Variants in PALD1 observed in about 807,000 individuals in gnomAD.
PALD1 encodes phosphatase domain containing paladin 1.
In PALD1, 57 loss-of-function variants were observed where a neutral mutation model predicts 96.0. The observed-to-expected ratio is 0.59, with a 90% CI of 0.48 to 0.74. PALD1 has a LOEUF of 0.74. PALD1 is among the 30% of genes least tolerant of loss of function. The probability of loss-of-function intolerance (pLI) is 0.00; values close to 1 mark genes in which losing one functional copy is unlikely to be tolerated. For synonymous variants in PALD1, 464 were observed against 473.6 expected (o/e 0.98, Z 0.26); for missense variants, 1,063 against 1,143.7 (o/e 0.93, Z 1.02).
upstream of PALD1, among the ~76,000 whole-genome samples, chr10:70,475,336 G>A (rs780383726): frequency 6.6e-6 from 1 of 152,140 alleles, no homozygotes; most frequent in African/African-American, 2.4e-5. Flanking sequence ...GGGCAGACAG[G>A]GGATCCGTCT....
the PALD1 span, among the ~76,000 whole-genome samples, chr10:70,471,136 T>G: frequency 6.6e-6 from 1 of 152,192 alleles, no homozygotes; most frequent in Non-Finnish European, 1.5e-5. Flanking sequence ...TTTTTGTATT[T>G]TTAGTAGAGA....
the PALD1 span, among the ~76,000 whole-genome samples, chr10:70,470,068 G>A: frequency 1.3e-5 from 2 of 152,274 alleles, no homozygotes; most frequent in African/African-American, 4.8e-5. Context: ...TGCTGGGATT[G>A]CAGGCATGAA....
chr10:70,560,228 T>G (rs1186397514), intron 18 of PALD1, among the ~76,000 whole-genome samples: 2 of 152,036 alleles, frequency 1.3e-5, no homozygotes, highest in African/African-American at 4.8e-5. Context: ...GTCATAGGCC[T>G]GGAGGGAACC....
At chr10:70,503,655 C>G (rs1420829029) in intron 1 of PALD1, among the ~76,000 whole-genome samples, 1 of 152,130 alleles carries the variant, frequency 6.6e-6, no homozygotes, top group Non-Finnish European at 1.5e-5. Context: ...AAGAGAATGA[C>G]AAATAATAAA....
chr10:70,480,631 G>A (rs76499522), intron 1 of PALD1, among the ~76,000 whole-genome samples: 6,430 of 152,328 alleles, frequency 0.042, 196 homozygotes, highest in South Asian at 0.065. Context: ...TTTTTCTGGA[G>A]CACTTCGTGG....
chr10:70,560,758 A>G (rs776700473), intron 18 of PALD1, among the ~76,000 whole-genome samples: 6 of 151,908 alleles, frequency 3.9e-5, no homozygotes, highest in East Asian at 1.9e-4. Context: ...TGCCCGAAGT[A>G]CCCAGTGCCC....
chr10:70,507,750 C>CGTGCGT (rs1554855495), intron 1 of PALD1, among the ~76,000 whole-genome samples: 1 of 148,644 alleles, frequency 6.7e-6, no homozygotes, highest in Admixed American at 6.7e-5. Context: ...TTTGTGTGTG[C>CGTGCGT]GTGTGTGTGT....
At position 70,568,398 on chromosome 10, in the gene PALD1, AT is replaced by A. The variant is rs3034645; in HGVS notation, c.*1679del. The A allele has an allele frequency of 0.2, 28,904 of 144,550 alleles. 3,350 individuals carry two copies. Among genetic ancestry groups the A allele is most frequent in the Admixed American group, 0.37 (5,404 of 14,522 alleles). 9.0% of individuals were successfully genotyped at this position (144,550 alleles called of 1,614,324 possible). On this transcript the variant is annotated 3_prime_UTR_variant, in exon 20 of 20. Transcript: ENST00000263563. ...GGGGTGTTGTGAGGATTCATTTGTGATTTTTTTTTTTTTTGTACAGAGCTTT... is the reference window on the plus strand; with the variant it reads ...GGGGTGTTGTGAGGATTCATTTGTGATTTTTTTTTTTTTGTACAGAGCTTT...
intron 1 of PALD1, among the ~76,000 whole-genome samples, chr10:70,482,365 C>T (rs747279790): frequency 6.6e-6 from 1 of 152,188 alleles, no homozygotes; most frequent in Non-Finnish European, 1.5e-5. Flanking sequence ...GCTTTCGTTT[C>T]CCAGAGGGCA....
chr10:70,546,069 T>C (rs60773659), intron 17 of PALD1, among the ~76,000 whole-genome samples: 181 of 152,056 alleles, frequency 1.2e-3, no homozygotes, highest in African/African-American at 4.0e-3. Context: ...AAACCCTGTC[T>C]CTACTAAAAA....
At chr10:70,530,091 A>G (rs376904569) in intron 4 of PALD1, 23 bp downstream of exon 4, 5 of 1,489,354 alleles carry the variant, frequency 3.4e-6, no homozygotes, top group Non-Finnish European at 4.5e-6. Flanking sequence ...CTTCCCAGGC[A>G]GAAGCCAGGT....
chr10:70,464,460 C>CT, the PALD1 span, among the ~76,000 whole-genome samples: 1 of 151,362 alleles, frequency 6.6e-6, no homozygotes, highest in Non-Finnish European at 1.5e-5. Context: ...GTGATCCAGC[C>CT]ACCTCGGCCT....
intron 18 of PALD1, among the ~76,000 whole-genome samples, chr10:70,553,341 G>T (rs1847520053): frequency 6.6e-6 from 1 of 152,178 alleles, no homozygotes; most frequent in Non-Finnish European, 1.5e-5. Context: ...GAAAGATGTT[G>T]GCTTCAGCAA....
rs915444503 is a variant in PALD1, at chr10:70,535,670, T to C, written c.1227+827T>C. Among the ~76,000 whole-genome samples, 13 of 119,058 alleles carry C rather than the reference T, an allele frequency of 1.1e-4. No individual in the cohort carries two copies. In the South Asian group the frequency reaches 4.2e-3, roughly 38 times the overall value. The allele number at this position is 119,058 out of a possible 152,430, so 78.1% of individuals were successfully genotyped here. ...CTCCTCCCTTCCTTCTCCTCCTCCTTCTCCTTTCTTCTCCTTTTTCTTCTT... is the reference window on the plus strand; with the variant it reads ...CTCCTCCCTTCCTTCTCCTCCTCCTCCTCCTTTCTTCTCCTTTTTCTTCTT... On this transcript the variant is annotated intron_variant, in intron 10 of 19. Transcript: ENST00000263563.
chr10:70,557,053 A>G (rs10823570), intron 18 of PALD1, among the ~76,000 whole-genome samples: 80,872 of 152,114 alleles, frequency 0.53, 22,325 homozygotes, highest in Middle Eastern at 0.7. Context: ...ATTATTAACT[A>G]TTAGTCTTCC....
At chr10:70,464,624 CTTTTTT>C in the PALD1 span, among the ~76,000 whole-genome samples, 3 of 115,268 alleles carry the variant, frequency 2.6e-5, no homozygotes, top group Non-Finnish European at 3.6e-5. Context: ...ACTGTACCTC[CTTTTTT>C]TTTTTTTTTT....
At chr10:70,495,385 G>C (rs1045786742) in intron 1 of PALD1, among the ~76,000 whole-genome samples, 3 of 148,358 alleles carry the variant, frequency 2.0e-5, no homozygotes, top group Non-Finnish European at 4.5e-5. Flanking sequence ...ATGAGGGTCC[G>C]GGTCTGTGCC....
At chr10:70,529,425 C>A in intron 3 of PALD1, 94 bp downstream of exon 3, 1 of 664,760 alleles carries the variant, frequency 1.5e-6, no homozygotes, top group Admixed American at 2.2e-5. Flanking sequence ...CCCTCCCCAA[C>A]TTTCCCCGTC....
chr10:70,473,390 A>G, the PALD1 span, among the ~76,000 whole-genome samples: 1 of 152,200 alleles, frequency 6.6e-6, no homozygotes, highest in African/African-American at 2.4e-5. Context: ...GCATTTCCAC[A>G]TGGAGCTTGG....
Sources: gnomAD v4.1 joint callset for allele counts (sites outside exome capture counted in the v4.1 genomes callset) on GRCh38, gnomAD v4.1.1 for gene constraint, MANE v1.5 for transcripts, NCBI Gene and HGNC (gene_info 2026-07-23, HGNC 2026-07-21) for gene names.